Variants in LRP1B observed in about 807,000 individuals in gnomAD.
LRP1B encodes the protein low-density lipoprotein receptor-related protein 1B.
In LRP1B, 217 loss-of-function variants were observed where a neutral mutation model predicts 556.6. That is an observed-to-expected ratio of 0.39 (90% CI 0.35 to 0.44). LRP1B has a LOEUF of 0.44. LRP1B is among the 20% of genes least tolerant of loss of function. The pLI is 1.00. For missense variants in LRP1B, 5,053 were observed against 5,620.8 expected, an observed-to-expected ratio of 0.90 and a Z score of 3.23; for synonymous variants, 2,047 against 1,865.8, an observed-to-expected ratio of 1.10 and a Z score of -2.50.
At chr2:140,671,191 A>G (rs148265019) in intron 41 of LRP1B, among the ~76,000 whole-genome samples, 2,062 of 152,306 alleles carry the variant, frequency 0.014, 40 homozygotes, top group Admixed American at 0.045. Context: ...GGTATATACA[A>G]GCCCATATTT....
At chr2:140,889,646 A>G (rs545619800) in intron 23 of LRP1B, among the ~76,000 whole-genome samples, 1 of 152,230 alleles carries the variant, frequency 6.6e-6, no homozygotes, top group African/African-American at 2.4e-5. Context: ...ACAAAGCCTT[A>G]TGAGGTGGGT....
At chr2:141,202,753 T>TA (rs1682093479) in intron 6 of LRP1B, among the ~76,000 whole-genome samples, 1 of 151,268 alleles carries the variant, frequency 6.6e-6, no homozygotes, top group Non-Finnish European at 1.5e-5. Flanking sequence ...CCAATTTTTT[T>TA]ATTACATTTT....
intron 3 of LRP1B, among the ~76,000 whole-genome samples, chr2:141,304,478 T>C (rs1458146533): frequency 1.0e-4 from 3 of 29,982 alleles, no homozygotes; most frequent in Admixed American, 3.9e-4. Flanking sequence ...TTCATTCATT[T>C]TTTTTTTTTT....
chr2:141,145,420 G>A (rs1396254324), intron 7 of LRP1B, among the ~76,000 whole-genome samples: 2 of 151,862 alleles, frequency 1.3e-5, no homozygotes, highest in African/African-American at 2.4e-5. Flanking sequence ...CATATACTAT[G>A]TAATAAACTA....
rs1230357208 is a variant in LRP1B, at chr2:140,809,985, A to T, written c.5359+3672T>A. ...TTATACTCTTAATTAAAAATGAGAC[A>T]GTACCCACACTCAAAGGAAAGAAAG... On this transcript the variant is annotated intron_variant, in intron 32 of 90. Coordinates refer to ENST00000389484, the MANE Select transcript of LRP1B (RefSeq NM_018557.3). Among the ~76,000 whole-genome samples the T allele has an allele frequency of 2.0e-5, 3 of 152,200 alleles. No homozygotes were observed. The East Asian group carries it at 5.8e-4, about 29-fold the overall frequency.
At chr2:141,826,575 G>A (rs946035941) in intron 1 of LRP1B, among the ~76,000 whole-genome samples, 3 of 151,880 alleles carry the variant, frequency 2.0e-5, no homozygotes, top group African/African-American at 7.3e-5. Flanking sequence ...TAGCCAGGAT[G>A]GTCTCCATCT....
intron 3 of LRP1B, among the ~76,000 whole-genome samples, chr2:141,267,787 G>T (rs748096380): frequency 3.9e-5 from 6 of 152,102 alleles, no homozygotes; most frequent in Non-Finnish European, 7.4e-5. Flanking sequence ...TATAATTGAA[G>T]AAGGATTATA....
chr2:141,741,885 A>G (rs1451584650), intron 2 of LRP1B, among the ~76,000 whole-genome samples: 1 of 151,938 alleles, frequency 6.6e-6, no homozygotes, highest in African/African-American at 2.4e-5. Flanking sequence ...TATCCTGGGG[A>G]GTTTCTCCAT....
chr2:141,019,823 C>A, intron 12 of LRP1B, 99 bp downstream of exon 12: 1 of 865,974 alleles, frequency 1.2e-6, no homozygotes, highest in South Asian at 2.3e-5. Flanking sequence ...GGAAAATCAG[C>A]TATACATATG....
At chr2:141,203,428 A>G (rs945777793) in intron 6 of LRP1B, among the ~76,000 whole-genome samples, 1 of 152,178 alleles carries the variant, frequency 6.6e-6, no homozygotes, top group Non-Finnish European at 1.5e-5. Flanking sequence ...AATAAAGATC[A>G]AAGAGATAAA....
At chr2:140,654,141 T>G (rs981205427) in intron 41 of LRP1B, among the ~76,000 whole-genome samples, 5 of 150,942 alleles carry the variant, frequency 3.3e-5, no homozygotes, top group Non-Finnish European at 7.4e-5. Flanking sequence ...TTTATAGAAC[T>G]ACTTGATTTT....
At chr2:140,263,412 C>T (rs1328291688) in intron 86 of LRP1B, among the ~76,000 whole-genome samples, 1 of 152,114 alleles carries the variant, frequency 6.6e-6, no homozygotes, top group Non-Finnish European at 1.5e-5. Flanking sequence ...AATGACTTTT[C>T]AGCCATACCC....
intron 1 of LRP1B, among the ~76,000 whole-genome samples, chr2:141,922,957 G>A (rs976155930): frequency 6.6e-6 from 1 of 151,798 alleles, no homozygotes; most frequent in Non-Finnish European, 1.5e-5. Flanking sequence ...AAATTATCTG[G>A]GCGTAGTGGT....
At chr2:141,132,120 T>C (rs982203794) in intron 7 of LRP1B, among the ~76,000 whole-genome samples, 1 of 152,036 alleles carries the variant, frequency 6.6e-6, no homozygotes, top group Non-Finnish European at 1.5e-5. Flanking sequence ...CTGTAAATAA[T>C]ATTCATAATA....
chr2:141,016,301 TGATTAAAAAGCA>T (rs1335352024), intron 12 of LRP1B, among the ~76,000 whole-genome samples: 2 of 152,078 alleles, frequency 1.3e-5, no homozygotes, highest in Non-Finnish European at 2.9e-5. Flanking sequence ...ATCAATTATG[TGATTAAAAAGCA>T]GATTGACTGA....
chr2:141,961,600 C>T (rs1260723857), intron 1 of LRP1B, among the ~76,000 whole-genome samples: 1 of 151,594 alleles, frequency 6.6e-6, no homozygotes, highest in African/African-American at 2.4e-5. Flanking sequence ...GCATACTATC[C>T]TGTTTTTCCA....
rs148886844 is a variant in LRP1B at position 141,197,655 on chromosome 2, T to C, written c.851-9072A>G. 1.7e-3 allele frequency among the ~76,000 whole-genome samples: 259 copies of C among 152,192 alleles called. 2 individuals are homozygous for C. Among genetic ancestry groups the C allele is most frequent in the East Asian group, 5.0e-3 (26 of 5,158 alleles). On this transcript the variant is annotated intron_variant, in intron 6 of 90. Transcript: ENST00000389484. Reference sequence around the variant, plus strand: ...AAGATCATTCTGGTTGCTGTATAGATAAAGGGGAAAAGTCTGAAAACAAGT... The same window carrying C: ...AAGATCATTCTGGTTGCTGTATAGACAAAGGGGAAAAGTCTGAAAACAAGT...
chr2:140,278,036 A>AAC (rs34699867), intron 84 of LRP1B, among the ~76,000 whole-genome samples: 79,946 of 150,318 alleles, frequency 0.53, 23,787 homozygotes, highest in Non-Finnish European at 0.67. Flanking sequence ...CACATATACA[A>AAC]ACACACACAC....
intron 2 of LRP1B, among the ~76,000 whole-genome samples, chr2:141,806,130 A>G (rs1039475177): frequency 2.0e-5 from 3 of 152,104 alleles, no homozygotes; most frequent in African/African-American, 7.2e-5. Flanking sequence ...CCAAGTGTTG[A>G]AAAGGAAGTA....
Sources: allele counts gnomAD v4.1 joint callset (sites outside exome capture counted in the v4.1 genomes callset), GRCh38; gene constraint gnomAD v4.1.1; transcripts MANE v1.5; gene names NCBI Gene and HGNC (gene_info 2026-07-23, HGNC 2026-07-21).